The following CDK19 variants were observed in gnomAD, a reference collection of about 807,000 sequenced individuals.
CDK19 encodes cyclin-dependent kinase 19.
CDK19 carries 20 observed loss-of-function variants against 68.3 expected under a neutral mutation model. That is an observed-to-expected ratio of 0.29 (90% CI 0.21 to 0.43). The LOEUF (loss-of-function observed/expected upper bound fraction) is 0.43, where lower values mean the gene tolerates loss of function less well. CDK19 is among the 20% of genes least tolerant of loss of function. The probability of loss-of-function intolerance (pLI) is 1.00; values close to 1 mark genes in which losing one functional copy is unlikely to be tolerated. For missense variants in CDK19, 339 were observed against 623.5 expected (o/e 0.54, Z 4.86); for synonymous variants, 221 against 222.8 (o/e 0.99, Z 0.07).
intron 4 of CDK19, among the ~76,000 whole-genome samples, chr6:110,658,561 A>G (rs1448809516): frequency 6.6e-6 from 1 of 152,236 alleles, no homozygotes; most frequent in African/African-American, 2.4e-5. Context: ...TCATTCAAGA[A>G]GGAAGAATGA....
intron 1 of CDK19, among the ~76,000 whole-genome samples, chr6:110,755,926 G>A (rs970734272): frequency 6.6e-6 from 1 of 152,072 alleles, no homozygotes; most frequent in African/African-American, 2.4e-5. Context: ...TAGTCAGAAT[G>A]GAGGGAATGG....
chr6:110,718,148 C>G (rs756354927), intron 2 of CDK19, among the ~76,000 whole-genome samples: 1 of 152,108 alleles, frequency 6.6e-6, no homozygotes, highest in Non-Finnish European at 1.5e-5. Context: ...TGTAAGTTAC[C>G]CAGTCCAAAG....
chr6:110,776,608 T>C (rs546996452), intron 1 of CDK19, among the ~76,000 whole-genome samples: 16 of 152,266 alleles, frequency 1.1e-4, no homozygotes, highest in African/African-American at 3.8e-4. Flanking sequence ...GATGATTATA[T>C]CAAATTACTA....
chr6:110,623,200 T>C, intron 9 of CDK19, 90 bp downstream of exon 9: 1 of 1,085,318 alleles, frequency 9.2e-7, no homozygotes. Context: ...CACTAATTTC[T>C]TTTGTTTCTA....
At chr6:110,797,932 C>T (rs1466915336) in intron 1 of CDK19, among the ~76,000 whole-genome samples, 1 of 146,322 alleles carries the variant, frequency 6.8e-6, no homozygotes, top group Non-Finnish European at 1.5e-5. Flanking sequence ...CTGCAGTGAG[C>T]CAAGATTGCG....
intron 1 of CDK19, among the ~76,000 whole-genome samples, chr6:110,790,599 A>C (rs1368458122): frequency 6.6e-6 from 1 of 151,728 alleles, no homozygotes; most frequent in Non-Finnish European, 1.5e-5. Context: ...CTTTATGTAA[A>C]CCAATATAGT....
chr6:110,729,094 T>A (rs964954199), intron 2 of CDK19, among the ~76,000 whole-genome samples: 1 of 152,174 alleles, frequency 6.6e-6, no homozygotes. Flanking sequence ...TTTCCACAGA[T>A]AAATAATTAT....
chr6:110,714,722 C>CTTTTTTTTTT (rs112875656), intron 2 of CDK19, among the ~76,000 whole-genome samples: 39 of 69,798 alleles, frequency 5.6e-4, no homozygotes, highest in East Asian at 1.1e-3. Context: ...AATGTCTTTT[C>CTTTTTTTTTT]TTTTTTTTTT....
chr6:110,694,074 G>GAAA (rs778030187), intron 2 of CDK19, among the ~76,000 whole-genome samples: 5 of 102,960 alleles, frequency 4.9e-5, no homozygotes, highest in East Asian at 5.2e-4. Context: ...ATAACACAAT[G>GAAA]AAAAAAAAAA....
chr6:110,732,495 C>G (rs527817625), intron 2 of CDK19, among the ~76,000 whole-genome samples: 1 of 152,108 alleles, frequency 6.6e-6, no homozygotes, highest in South Asian at 2.1e-4. Flanking sequence ...GAGATTACAC[C>G]ACTACACTCC....
chr6:110,734,704 C>CTGG (rs1167111619), intron 2 of CDK19, among the ~76,000 whole-genome samples: 3 of 152,080 alleles, frequency 2.0e-5, no homozygotes, highest in Non-Finnish European at 4.4e-5. Flanking sequence ...CAAGTATGAG[C>CTGG]TGGATGCTTC....
At chr6:110,787,999 C>T (rs1781351367) in intron 1 of CDK19, among the ~76,000 whole-genome samples, 1 of 152,072 alleles carries the variant, frequency 6.6e-6, no homozygotes, top group African/African-American at 2.4e-5. Flanking sequence ...GCCACCATAC[C>T]TGGCTAATTT....
At chr6:110,810,337 A>T (rs1170666995) in intron 1 of CDK19, among the ~76,000 whole-genome samples, 1 of 152,192 alleles carries the variant, frequency 6.6e-6, no homozygotes. Flanking sequence ...CCAAAAAGAG[A>T]TATGACATGA....
At chr6:110,639,083 T>C (rs139163512) in intron 4 of CDK19, among the ~76,000 whole-genome samples, 2 of 152,236 alleles carry the variant, frequency 1.3e-5, no homozygotes, top group African/African-American at 4.8e-5. Context: ...CGCCTTCATA[T>C]GAATAAGTTG....
intron 1 of CDK19, among the ~76,000 whole-genome samples, chr6:110,790,475 C>A (rs1003370952): frequency 6.6e-6 from 1 of 152,082 alleles, no homozygotes; most frequent in South Asian, 2.1e-4. Context: ...GCAGAGGTTG[C>A]AGTGAGCCAG....
intron 2 of CDK19, chr6:110,706,954 C>A (rs1239542267): frequency 2.0e-5 from 3 of 148,156 alleles, no homozygotes; most frequent in Non-Finnish European, 4.4e-5. Flanking sequence ...TGGAAGATGG[C>A]AGTTCTGGCC....
intron 4 of CDK19, among the ~76,000 whole-genome samples, chr6:110,657,152 A>C (rs191043273): frequency 6.6e-6 from 1 of 152,206 alleles, no homozygotes; most frequent in Non-Finnish European, 1.5e-5. Context: ...AACTTGACCA[A>C]GTTCACTCTG....
At chr6:110,809,050 C>CA (rs760361150) in intron 1 of CDK19, among the ~76,000 whole-genome samples, 5,099 of 121,744 alleles carry the variant, frequency 0.042, 97 homozygotes, top group South Asian at 0.096. Flanking sequence ...ACTAAAAATA[C>CA]AAAAAAAAAA....
chr6:110,693,336 GA>G (rs1773188374), intron 2 of CDK19, among the ~76,000 whole-genome samples: 1 of 152,246 alleles, frequency 6.6e-6, no homozygotes, highest in South Asian at 2.1e-4. Flanking sequence ...CAGATCATGG[GA>G]GAAGGATTTA....
Sources: allele counts gnomAD v4.1 joint callset (sites outside exome capture counted in the v4.1 genomes callset), GRCh38; gene constraint gnomAD v4.1.1; transcripts MANE v1.5; gene names NCBI Gene and HGNC (gene_info 2026-07-23, HGNC 2026-07-21).